Variants in PKDCC observed in about 807,000 individuals in gnomAD.
PKDCC encodes protein kinase domain containing, cytoplasmic.
Under a neutral mutation model 44.7 loss-of-function variants are expected in PKDCC, and 35 were observed. That is an observed-to-expected ratio of 0.78 (90% confidence interval 0.60 to 1.04). The LOEUF is 1.04. PKDCC is among the 50% of genes least tolerant of loss of function. The probability of loss-of-function intolerance (pLI) is 0.00; values close to 1 mark genes in which losing one functional copy is unlikely to be tolerated. For synonymous variants in PKDCC, 353 were observed against 303.3 expected (o/e 1.16, Z -1.70); for missense variants, 738 against 672.7 (o/e 1.10, Z -1.07).
At chr2:42,050,700 C>A (rs569020870) in intron 1 of PKDCC, among the ~76,000 whole-genome samples, 2 of 152,082 alleles carry the variant, frequency 1.3e-5, no homozygotes, top group Non-Finnish European at 2.9e-5. Flanking sequence ...GAGTCCCAGA[C>A]GAGAGTTAGT....
Position 42,054,859 on chromosome 2 carries a change from G to A in PKDCC, c.1035-82G>A, listed in dbSNP as rs1668026675. The A allele has an allele frequency of 3.0e-6, 4 of 1,323,640 alleles. No homozygotes were observed. The Admixed American group carries it at 6.7e-5, about 22-fold the overall frequency. The allele number at this position is 1,323,640 out of a possible 1,614,324, so 82.0% of individuals were successfully genotyped here. ...GGGATCCGGCTCCCTGGCCAGGTTA[G>A]CGTTCTGCCCCAGGTTGGAATAGAG... On this transcript the variant is annotated intron_variant, in intron 3 of 6. Coordinates refer to ENST00000294964, the MANE Select transcript of PKDCC (RefSeq NM_138370.3). The surrounding 1 kb of genome is among the most constrained non-coding windows in gnomAD (Gnocchi z 6.1).
intron 1 of PKDCC, among the ~76,000 whole-genome samples, chr2:42,049,890 C>T (rs1667938333): frequency 6.6e-6 from 1 of 152,160 alleles, no homozygotes; most frequent in East Asian, 1.9e-4. Context: ...GCCTCCCCAA[C>T]GGATGAAATC....
At position 42,054,904 on chromosome 2, in the gene PKDCC, G is replaced by C. The variant is rs973947380; in HGVS notation, c.1035-37G>C. 3 of 1,571,256 alleles carry C rather than the reference G, an allele frequency of 1.9e-6. No homozygotes were observed. Among genetic ancestry groups the C allele is most frequent in the African/African-American group, 1.4e-5 (1 of 73,900 alleles). On this transcript the variant is annotated intron_variant, in intron 3 of 6. Coordinates refer to ENST00000294964, the MANE Select transcript of PKDCC (RefSeq NM_138370.3). This position sits in a 1 kb window ranked among gnomAD's most constrained non-coding sequence, Gnocchi z 6.1. ...ATAGAGGAAGGATGTGTCTCCAAAG[G>C]CTGGATTCCTGAGCCACTGGTTTCC...
chr2:42,048,944 C>T lies in PKDCC; in HGVS notation c.639+106C>T. On this transcript the variant is annotated intron_variant, in intron 1 of 6. Transcript: ENST00000294964. The surrounding 1 kb of genome is among the most constrained non-coding windows in gnomAD (Gnocchi z 6.2). ...TTGATCTGGAGTGCCAGTGACTGCA[C>T]CCAGGCTAAGCTAGACGCAGAAACC... The T allele has an allele frequency of 1.5e-6, 2 of 1,337,556 alleles. No homozygotes were observed. Among genetic ancestry groups the T allele is most frequent in the Admixed American group, 3.1e-5 (1 of 31,962 alleles). The allele number at this position is 1,337,556 out of a possible 1,614,324, so 82.9% of individuals were successfully genotyped here.
rs752278996 is a variant in PKDCC, at chr2:42,055,434, G to C, written c.1222+41G>C. Reference sequence around the variant, plus strand: ...CTGATCCACAGGGAAGCAAGAAACAGGTGGGAGGGTGAATGACCCCGCCCA... The same window carrying C: ...CTGATCCACAGGGAAGCAAGAAACACGTGGGAGGGTGAATGACCCCGCCCA... On this transcript the variant is annotated intron_variant, in intron 5 of 6. Transcript: ENST00000294964. The surrounding 1 kb of genome is among the most constrained non-coding windows in gnomAD (Gnocchi z 4.5). 1.3e-5 allele frequency: 21 copies of C among 1,578,648 alleles called. No individual in the cohort carries two copies. Among genetic ancestry groups the C allele is most frequent in the South Asian group, 1.1e-5 (1 of 87,856 alleles).
rs1667967469 is a variant in PKDCC, at chr2:42,051,488, G to T, written c.640-1751G>T. Among the ~76,000 whole-genome samples, 1 of 152,130 alleles carries T rather than the reference G, an allele frequency of 6.6e-6. No homozygotes were observed. Among genetic ancestry groups the T allele is most frequent in the Non-Finnish European group, 1.5e-5 (1 of 68,020 alleles). On this transcript the variant is annotated intron_variant, in intron 1 of 6. Transcript: ENST00000294964. The surrounding 1 kb of genome is among the most constrained non-coding windows in gnomAD (Gnocchi z 4.2). ...ATGCTCAGCCTCACGCTTCCTGGGG[G>T]GGGTTAATGGTGTCTTTTTATTTTT...
In PKDCC at chr2:42,048,152, C is replaced by A. The variant is rs1370232822; in HGVS notation, c.-48C>A. 19 of 888,978 alleles carry A rather than the reference C, an allele frequency of 2.1e-5. No individual in the cohort carries two copies. The highest frequency in any genetic ancestry group is 2.4e-5 in the Non-Finnish European group (19 of 791,340). The allele number at this position is 888,978 out of a possible 1,614,324, so 55.1% of individuals were successfully genotyped here. ...CCTCGGAGCCTGAGCCGCCCGGGGC[C>A]GGGGCCGGGGAGCCGCGCGGGGCCG... On this transcript the variant is annotated 5_prime_UTR_variant, in exon 1 of 7. Transcript: ENST00000294964. The surrounding 1 kb of genome is among the most constrained non-coding windows in gnomAD (Gnocchi z 6.2).
At position 42,055,314 on chromosome 2, in the gene PKDCC, C is replaced by A. The variant is rs1668035474; in HGVS notation, c.1143C>A (p.Thr381=). 1 of 1,613,422 alleles carries A rather than the reference C, an allele frequency of 6.2e-7. No individual in the cohort carries two copies. Among genetic ancestry groups the A allele is most frequent in the South Asian group, 1.1e-5 (1 of 90,960 alleles). The change falls in exon 5 of 7, where the codon ACC becomes ACA. Residue 381 remains threonine (T), a synonymous_variant. Coordinates refer to ENST00000294964, the MANE Select transcript of PKDCC (RefSeq NM_138370.3). The surrounding 1 kb of genome is among the most constrained non-coding windows in gnomAD (Gnocchi z 4.5). ...TGELAWGVDE[T]LAQLEKVLHL... is the part of the protein sequence containing the mutation. Reference sequence around the variant, plus strand: ...AGCTCGCCTGGGGGGTGGACGAGACCCTGGCCCAGCTGGAGAAGGTGCTGC... The same window carrying A: ...AGCTCGCCTGGGGGGTGGACGAGACACTGGCCCAGCTGGAGAAGGTGCTGC...
chr2:42,053,217 A>T, intron 1 of PKDCC, 22 bp from the exon 2 acceptor site: 1 of 1,554,410 alleles, frequency 6.4e-7, no homozygotes, highest in Non-Finnish European at 8.7e-7. Context: ...TGACCTAATG[A>T]CCTGCCCTCG....
At position 42,058,137 on chromosome 2, in the gene PKDCC, G is replaced by A. The variant is rs1437108639; in HGVS notation, c.*449G>A. The A allele has an allele frequency of 5.9e-6, 1 of 170,068 alleles. No homozygotes were observed. The highest frequency in any genetic ancestry group is 1.3e-5 in the Non-Finnish European group (1 of 78,862). 10.5% of individuals were successfully genotyped at this position (170,068 alleles called of 1,614,324 possible). ...CAATCCATCGTGGAGTGTTCTCTCA[G>A]CTTAGGTCTGGACAGGAGACTTGGC... On this transcript the variant is annotated 3_prime_UTR_variant, in exon 7 of 7. Transcript: ENST00000294964. The surrounding 1 kb of genome is among the most constrained non-coding windows in gnomAD (Gnocchi z 4.2).
At position 42,048,246 on chromosome 2, in the gene PKDCC, T is replaced by G. The variant is rs1197713542; in HGVS notation, c.47T>G (p.Phe16Cys). ...GTGGCCGCGGGTTTCTGCGCCTCCT[T>G]CCTGCTGGGCTCCGTCCTCAACGTG... ...AAVAAGFCAS[F>C]LLGSVLNVLF... Residue 16 changes from phenylalanine (F) to cysteine (C), a missense_variant, in exon 1 of 7, where the codon TTC becomes TGC. Transcript: ENST00000294964. The surrounding 1 kb of genome is among the most constrained non-coding windows in gnomAD (Gnocchi z 6.2). 31 of 1,275,210 alleles carry G rather than the reference T, an allele frequency of 2.4e-5. No individual in the cohort carries two copies. Among genetic ancestry groups the G allele is most frequent in the Middle Eastern group, 3.0e-4 (1 of 3,292 alleles). The allele number at this position is 1,275,210 out of a possible 1,614,324, so 79.0% of individuals were successfully genotyped here. A position where few individuals can be genotyped will look rare whatever the true frequency, so the allele number is the denominator to read the frequency against.
rs1315583085 is a variant in PKDCC at position 42,048,073 on chromosome 2, C to G, written c.-127C>G. ...CGCGAGGGGCCGGGGTCGGGGCCGC[C>G]GGGGCCATGCGCGCGGGCTGGGCAG... On this transcript the variant is annotated 5_prime_UTR_variant, in exon 1 of 7. Coordinates refer to ENST00000294964, the MANE Select transcript of PKDCC (RefSeq NM_138370.3). The surrounding 1 kb of genome is among the most constrained non-coding windows in gnomAD (Gnocchi z 6.2). 4.0e-5 allele frequency: 16 copies of G among 400,400 alleles called. No homozygotes were observed. Among genetic ancestry groups the G allele is most frequent in the Non-Finnish European group, 4.9e-5 (16 of 324,084 alleles). 24.8% of individuals were successfully genotyped at this position (400,400 alleles called of 1,614,324 possible).
chr2:42,049,287 G>A (rs748917769), intron 1 of PKDCC, among the ~76,000 whole-genome samples: 2 of 152,188 alleles, frequency 1.3e-5, no homozygotes, highest in Non-Finnish European at 2.9e-5. Flanking sequence ...GATTTGTCTG[G>A]TTTTGAAAAT....
chr2:42,048,752 C>T lies in PKDCC; in HGVS notation c.553C>T (p.Arg185Trp), dbSNP rs531061920. 9 of 1,581,142 alleles carry T rather than the reference C, an allele frequency of 5.7e-6. No homozygotes were observed. The highest frequency in any genetic ancestry group is 7.7e-6 in the Non-Finnish European group (9 of 1,163,404). ...LGSCVREFGVRRGCYRLAAHK... is the reference protein window; with the variant it reads ...LGSCVREFGVWRGCYRLAAHK... ...CAGCTGCGTGCGCGAGTTCGGGGTA[C>T]GGAGGGGCTGCTATCGGCTGGCGGC... Residue 185 changes from arginine to tryptophan, a missense_variant, in exon 1 of 7, where the codon CGG becomes TGG. Arg to Trp is a moderately radical substitution (Grantham distance 101). Coordinates refer to ENST00000294964, the MANE Select transcript of PKDCC (RefSeq NM_138370.3). This position sits in a 1 kb window ranked among gnomAD's most constrained non-coding sequence, Gnocchi z 6.2.
chr2:42,057,479 G>A, intron 6 of PKDCC, 85 bp downstream of exon 6: 3 of 1,578,912 alleles, frequency 1.9e-6, no homozygotes, highest in Non-Finnish European at 2.6e-6. Context: ...TCGGAAGTCA[G>A]AGGGGGTGCT....
chr2:42,057,527 G>C, intron 6 of PKDCC, 76 bp from the exon 7 acceptor site: 1 of 1,567,180 alleles, frequency 6.4e-7, no homozygotes, highest in Non-Finnish European at 8.7e-7. Flanking sequence ...CTTCAAGGCA[G>C]TCAAATTAGG....
At chr2:42,050,520 C>T (rs148869535) in intron 1 of PKDCC, among the ~76,000 whole-genome samples, 56 of 152,310 alleles carry the variant, frequency 3.7e-4, no homozygotes, top group African/African-American at 1.3e-3. Context: ...GACAAGCATT[C>T]AGCTAACGCC....
rs1334230746 is a variant in PKDCC at position 42,051,423 on chromosome 2, G to A, written c.640-1816G>A. ...GGGCCCAGATTCTGGCCCTGCTAGA[G>A]TATATTTCTTCTCCCAACCAAACAA... On this transcript the variant is annotated intron_variant, in intron 1 of 6. Coordinates refer to ENST00000294964, the MANE Select transcript of PKDCC (RefSeq NM_138370.3). The surrounding 1 kb of genome is among the most constrained non-coding windows in gnomAD (Gnocchi z 4.2). Among the ~76,000 whole-genome samples the A allele has an allele frequency of 2.0e-5, 3 of 151,848 alleles. No homozygotes were observed. The highest frequency in any genetic ancestry group is 4.4e-5 in the Non-Finnish European group (3 of 67,962).
rs963676214 is a variant in PKDCC, at chr2:42,051,307, A to G, written c.640-1932A>G. On this transcript the variant is annotated intron_variant, in intron 1 of 6. Transcript: ENST00000294964. This position sits in a 1 kb window ranked among gnomAD's most constrained non-coding sequence, Gnocchi z 4.2. ...CTATAGCCCAGGGCCAAAGGGCACA[A>G]GGGTCTCCCCTCCCCTCAACCTCTC... 2.0e-5 allele frequency among the ~76,000 whole-genome samples: 3 copies of G among 150,724 alleles called. No homozygotes were observed. Among genetic ancestry groups the G allele is most frequent in the African/African-American group, 7.3e-5 (3 of 40,896 alleles).
Sources: gnomAD v4.1 joint callset for allele counts (sites outside exome capture counted in the v4.1 genomes callset) on GRCh38, gnomAD v4.1.1 for gene constraint, Gnocchi (gnomAD v3.1) non-coding constraint, MANE v1.5 for transcripts, NCBI Gene and HGNC (gene_info 2026-07-23, HGNC 2026-07-21) for gene names.